Variants in MTHFD1L observed in about 807,000 individuals in gnomAD.
MTHFD1L encodes the protein monofunctional C1-tetrahydrofolate synthase, mitochondrial.
In MTHFD1L, 81 loss-of-function variants were observed where a neutral mutation model predicts 119.5. The ratio of observed to expected loss-of-function variants is 0.68; its 90% CI spans 0.57 to 0.82. The LOEUF (loss-of-function observed/expected upper bound fraction) is 0.82, where lower values mean the gene tolerates loss of function less well. Ranked by LOEUF, MTHFD1L falls within the 40% of genes least tolerant of loss-of-function variation. The pLI, the probability that MTHFD1L is intolerant of heterozygous loss-of-function variation, is 0.00. For missense variants in MTHFD1L, 1,125 were observed against 1,253.4 expected (o/e 0.90, Z 1.55); for synonymous variants, 430 against 475.2 (o/e 0.90, Z 1.24).
chr6:151,091,658 GC>G (rs1472870575), intron 26 of MTHFD1L, among the ~76,000 whole-genome samples: 2 of 152,142 alleles, frequency 1.3e-5, no homozygotes, highest in Non-Finnish European at 2.9e-5. Flanking sequence ...TCATTAGGGT[GC>G]TGGGAAGCTC....
At chr6:151,054,078 G>C (rs1789507058) in intron 26 of MTHFD1L, among the ~76,000 whole-genome samples, 2 of 152,120 alleles carry the variant, frequency 1.3e-5, no homozygotes, top group Admixed American at 1.3e-4. Flanking sequence ...ATTTCGGCAG[G>C]GAGAGAGAAG....
chr6:151,036,384 A>T (rs201582433), intron 25 of MTHFD1L, among the ~76,000 whole-genome samples: 1 of 152,382 alleles, frequency 6.6e-6, no homozygotes, highest in East Asian at 1.9e-4. Context: ...GAGACACCAC[A>T]TGTGACTTCC....
intron 15 of MTHFD1L, among the ~76,000 whole-genome samples, chr6:150,947,279 G>A (rs1167469522): frequency 2.0e-5 from 3 of 150,962 alleles, no homozygotes; most frequent in Admixed American, 6.6e-5. Flanking sequence ...ATTTTTAGTA[G>A]AGAAGGGGCT....
chr6:150,967,186 G>A (rs183810550), intron 19 of MTHFD1L, among the ~76,000 whole-genome samples: 5 of 152,272 alleles, frequency 3.3e-5, no homozygotes, highest in East Asian at 1.9e-4. Flanking sequence ...AACTGACCTC[G>A]GGTTCCACCT....
intron 1 of MTHFD1L, among the ~76,000 whole-genome samples, chr6:150,868,772 A>G (rs755779971): frequency 2.0e-5 from 3 of 152,196 alleles, no homozygotes; most frequent in Non-Finnish European, 2.9e-5. Context: ...AAGAGAAAAG[A>G]CAAATTTAGG....
chr6:150,937,019 T>A, intron 12 of MTHFD1L, 79 bp downstream of exon 12: 2 of 1,531,818 alleles, frequency 1.3e-6, no homozygotes, highest in Non-Finnish European at 1.8e-6. Flanking sequence ...TGTCAACAGA[T>A]AAAGAGTTAA....
In MTHFD1L at chr6:150,905,675, T is replaced by C. The variant is rs779119998; in HGVS notation, c.806T>C (p.Leu269Pro). 1.2e-6 allele frequency: 2 copies of C among 1,614,066 alleles called. No homozygotes were observed. The highest frequency in any genetic ancestry group is 2.2e-5 in the South Asian group (2 of 91,076). Reference sequence around the variant, plus strand: ...CTTCACGAGGCTGACATTGTGGTCCTAGGCTCACCTAAGCCAGAAGAGATT... The same window carrying C: ...CTTCACGAGGCTGACATTGTGGTCCCAGGCTCACCTAAGCCAGAAGAGATT... ...SKLHEADIVV[L>P]GSPKPEEIPL... The change falls in exon 8 of 28, where the codon CTA (leucine) becomes CCA (proline). Residue 269 changes from leucine (L) to proline (P), a missense_variant. Around this residue, in one of 3 missense-constraint regions of MTHFD1L, gnomAD observed 1,058 missense variants for 1,151.2 expected, o/e 0.92. Transcript: ENST00000367321.
At chr6:151,019,880 C>G (rs1265448043) in intron 24 of MTHFD1L, among the ~76,000 whole-genome samples, 2 of 152,184 alleles carry the variant, frequency 1.3e-5, no homozygotes, top group East Asian at 3.8e-4. Flanking sequence ...GGATTTCTTG[C>G]ATTGATTGGT....
At chr6:151,067,955 G>T (rs1025824836) in intron 26 of MTHFD1L, among the ~76,000 whole-genome samples, 3 of 152,250 alleles carry the variant, frequency 2.0e-5, no homozygotes, top group African/African-American at 7.2e-5. Flanking sequence ...TAAACAGAGG[G>T]TGGTTATTCT....
chr6:150,908,111 T>C (rs1189880317), intron 8 of MTHFD1L, among the ~76,000 whole-genome samples: 2 of 150,544 alleles, frequency 1.3e-5, no homozygotes, highest in Admixed American at 6.6e-5. Context: ...ATGCACCATG[T>C]TTGCCAGGTT....
intron 13 of MTHFD1L, 52 bp from the exon 14 acceptor site, chr6:150,944,434 C>A: frequency 1.0e-5 from 14 of 1,377,492 alleles, no homozygotes; most frequent in Non-Finnish European, 1.4e-5. Context: ...GGCAACAAAG[C>A]GAGACCCTAT....
chr6:150,952,798 G>A (rs919245954), intron 16 of MTHFD1L, among the ~76,000 whole-genome samples: 8 of 152,238 alleles, frequency 5.3e-5, no homozygotes, highest in Non-Finnish European at 7.4e-5. Context: ...GAAGTGCTGC[G>A]ATTACAGGCG....
chr6:150,877,645 C>G lies in MTHFD1L; in HGVS notation c.324C>G (p.Asp108Glu), dbSNP rs1325032807. 1.2e-6 allele frequency: 2 copies of G among 1,614,100 alleles called. No homozygotes were observed. Among genetic ancestry groups the G allele is most frequent in the Admixed American group, 1.7e-5 (1 of 60,018 alleles). ...TTTACCTTCCTAAGGCAGGTGACGA[C>G]AACTTGATGCAGGAAATCAACCAGA... ...PVLAIIQAGD[D>E]NLMQEINQNL... is the part of the protein sequence containing the mutation. The change falls in exon 3 of 28, where the codon GAC becomes GAG. Residue 108 changes from aspartate to glutamate, a missense_variant. Asp to Glu is a conservative substitution (Grantham distance 45). Transcript: ENST00000367321.
intron 26 of MTHFD1L, among the ~76,000 whole-genome samples, chr6:151,084,999 AT>A (rs1265842054): frequency 1.4e-5 from 2 of 140,978 alleles, no homozygotes; most frequent in Non-Finnish European, 3.0e-5. Context: ...ATATATATAT[AT>A]ATATGTATAT....
At chr6:150,922,326 C>G in intron 10 of MTHFD1L, 24 bp downstream of exon 10, 2 of 1,587,452 alleles carry the variant, frequency 1.3e-6, no homozygotes, top group Non-Finnish European at 1.7e-6. Flanking sequence ...TTTATTTACA[C>G]TGATGTCAGC....
At chr6:150,994,684 A>G (rs1326744575) in intron 20 of MTHFD1L, among the ~76,000 whole-genome samples, 1 of 152,220 alleles carries the variant, frequency 6.6e-6, no homozygotes, top group Non-Finnish European at 1.5e-5. Context: ...AGAGTTTAGG[A>G]CACATCCAAT....
chr6:150,892,438 G>C (rs866341930), intron 7 of MTHFD1L, among the ~76,000 whole-genome samples: 2 of 152,124 alleles, frequency 1.3e-5, no homozygotes, highest in Non-Finnish European at 2.9e-5. Context: ...TAACATTCTT[G>C]TTTTCATATG....
At chr6:150,966,465 A>G (rs1450197739) in intron 19 of MTHFD1L, among the ~76,000 whole-genome samples, 1 of 152,188 alleles carries the variant, frequency 6.6e-6, no homozygotes, top group Admixed American at 6.5e-5. Context: ...ATTGAAGGTT[A>G]TAATTCGACA....
At chr6:151,058,480 A>G (rs1790253797) in intron 26 of MTHFD1L, among the ~76,000 whole-genome samples, 1 of 152,248 alleles carries the variant, frequency 6.6e-6, no homozygotes, top group Admixed American at 6.5e-5. Context: ...ACAGCCAGCC[A>G]GAATTAATTC....
Sources: gnomAD v4.1 joint callset for allele counts (sites outside exome capture counted in the v4.1 genomes callset) on GRCh38, gnomAD v4.1.1 for gene constraint, gnomAD v4.1.1 regional missense constraint, MANE v1.5 for transcripts, NCBI Gene and HGNC (gene_info 2026-07-23, HGNC 2026-07-21) for gene names.